The following SLC4A4 variants were observed in gnomAD, a reference collection of about 807,000 sequenced individuals.
SLC4A4 encodes electrogenic sodium bicarbonate cotransporter 1.
Under a neutral mutation model 111.5 loss-of-function variants are expected in SLC4A4, and 27 were observed. The observed-to-expected ratio is 0.24, with a 90% CI of 0.18 to 0.33. The LOEUF is 0.33. Ranked by LOEUF, SLC4A4 falls within the 10% of genes least tolerant of loss-of-function variation. The pLI is 1.00. For missense variants in SLC4A4, 909 were observed against 1,315.5 expected, an observed-to-expected ratio of 0.69 and a Z score of 4.78; for synonymous variants, 443 against 463.4, an observed-to-expected ratio of 0.96 and a Z score of 0.57.
chr4:71,449,454 G>C lies in SLC4A4; in HGVS notation c.1054-935G>C, dbSNP rs546785678. On this transcript the variant is annotated intron_variant, in intron 9 of 25. Coordinates refer to ENST00000264485, the MANE Select transcript of SLC4A4 (RefSeq NM_001098484.3). Reference sequence around the variant, plus strand: ...GCAAGAGAAAGAAAATAAGGTTGAGGATGGCTATATCAGCCACAGATTATG... The same window carrying C: ...GCAAGAGAAAGAAAATAAGGTTGAGCATGGCTATATCAGCCACAGATTATG... Among the ~76,000 whole-genome samples the C allele has an allele frequency of 4.6e-5, 7 of 152,242 alleles. No homozygotes were observed. In the East Asian group the frequency reaches 1.4e-3, roughly 29 times the overall value.
chr4:71,146,522 T>TAGA lies in SLC4A4; in HGVS notation c.-2+53730_-2+53731insAGA, dbSNP rs1744176245. The stretch of plus-strand genomic sequence containing the variant: ...TATCCTTGTTAACTTTCTGTCTCGT[T>TAGA]CACCTGTCTAATGTGGACAGTGGGG... On this transcript the variant is annotated intron_variant, in intron 2 of 26. Transcript: ENST00000649996. 2.6e-5 allele frequency among the ~76,000 whole-genome samples: 4 copies of TAGA among 152,198 alleles called. No individual in the cohort carries two copies. The South Asian group carries it at 8.3e-4, about 32-fold the overall frequency.
Position 71,451,271 on chromosome 4 carries a change from G to C in SLC4A4, c.1292G>C (p.Gly431Ala). The C allele has an allele frequency of 6.2e-7, 1 of 1,612,910 alleles. No individual in the cohort carries two copies. Among genetic ancestry groups the C allele is most frequent in the Non-Finnish European group, 8.5e-7 (1 of 1,178,932 alleles). Residue 431 changes from glycine (G) to alanine (A), a missense_variant, in exon 11 of 26, where the codon GGG becomes GCG. Physicochemically the swap from Gly to Ala is moderately conservative, Grantham distance 60. Transcript: ENST00000264485. The part of the protein sequence containing the change: ...HDGGHGGGGH[G>A]DCEELQRTGR... ...GGAGGTCACGGAGGAGGAGGACATGGGGATTGTGAAGAATTGCAGCGAACT... is the reference window on the plus strand; with the variant it reads ...GGAGGTCACGGAGGAGGAGGACATGCGGATTGTGAAGAATTGCAGCGAACT...
intron 3 of SLC4A4, among the ~76,000 whole-genome samples, chr4:71,333,093 T>A (rs539264713): frequency 2.7e-4 from 41 of 152,366 alleles, no homozygotes; most frequent in African/African-American, 9.1e-4. Flanking sequence ...TGTCAATGTC[T>A]GAGCATTGAA....
At chr4:71,484,253 C>G (rs1407954947) in intron 14 of SLC4A4, among the ~76,000 whole-genome samples, 2 of 151,816 alleles carry the variant, frequency 1.3e-5, no homozygotes, top group East Asian at 3.9e-4. Context: ...TTTCCCATGG[C>G]TGTGTCCTGA....
At chr4:71,158,921 C>A (rs1744547313) in intron 2 of SLC4A4, among the ~76,000 whole-genome samples, 1 of 152,126 alleles carries the variant, frequency 6.6e-6, no homozygotes, top group Non-Finnish European at 1.5e-5. Flanking sequence ...TTTATTTTCA[C>A]CTGGGACACT....
chr4:71,521,904 C>T (rs77926467), intron 16 of SLC4A4, among the ~76,000 whole-genome samples: 1,827 of 152,284 alleles, frequency 0.012, 43 homozygotes, highest in African/African-American at 0.039. Context: ...ACTTACACTT[C>T]GATTCCACTC....
chr4:71,263,686 C>T (rs1722031224), intron 3 of SLC4A4, among the ~76,000 whole-genome samples: 1 of 152,034 alleles, frequency 6.6e-6, no homozygotes, highest in African/African-American at 2.4e-5. Context: ...AGAGAGAATA[C>T]CAGGAAAAGT....
At chr4:71,168,492 T>C (rs1324529525) in intron 2 of SLC4A4, among the ~76,000 whole-genome samples, 1 of 152,164 alleles carries the variant, frequency 6.6e-6, no homozygotes, top group Non-Finnish European at 1.5e-5. Context: ...CTCTTTTAAA[T>C]GTACAATTAA....
At chr4:71,241,914 C>G (rs1720266905) in intron 2 of SLC4A4, among the ~76,000 whole-genome samples, 1 of 152,210 alleles carries the variant, frequency 6.6e-6, no homozygotes, top group Non-Finnish European at 1.5e-5. Context: ...ATGGCCTCAG[C>G]TGAACGCTGG....
intron 6 of SLC4A4, among the ~76,000 whole-genome samples, chr4:71,378,333 G>A (rs1479557321): frequency 1.3e-5 from 2 of 152,186 alleles, no homozygotes; most frequent in Non-Finnish European, 2.9e-5. Flanking sequence ...AAGGCTGAGA[G>A]CAATGTGAAG....
intron 16 of SLC4A4, among the ~76,000 whole-genome samples, chr4:71,500,343 T>C (rs1168863891): frequency 2.0e-5 from 3 of 152,250 alleles, no homozygotes; most frequent in Non-Finnish European, 4.4e-5. Context: ...AATAACCTTA[T>C]GTTGAAGTGT....
At chr4:71,291,739 AGTT>A (rs969779413) in intron 3 of SLC4A4, among the ~76,000 whole-genome samples, 8 of 152,200 alleles carry the variant, frequency 5.3e-5, no homozygotes, top group African/African-American at 1.9e-4. Context: ...GCAATTCTCA[AGTT>A]GTTATTACTA....
intron 2 of SLC4A4, among the ~76,000 whole-genome samples, chr4:71,100,005 G>A (rs748995552): frequency 2.6e-5 from 4 of 152,062 alleles, no homozygotes; most frequent in African/African-American, 4.8e-5. Context: ...GAGATTCACA[G>A]CTGAATTCTA....
chr4:71,481,251 T>C (rs1421629854), intron 14 of SLC4A4, among the ~76,000 whole-genome samples: 1 of 151,762 alleles, frequency 6.6e-6, no homozygotes. Context: ...TATTAGGTGA[T>C]ACATAAAAGC....
rs971959694 is a variant in SLC4A4, at chr4:71,137,283, C to T, written c.-2+44491C>T. Among the ~76,000 whole-genome samples the T allele has an allele frequency of 3.3e-5, 5 of 152,120 alleles. No homozygotes were observed. In the East Asian group the frequency reaches 7.7e-4, roughly 23 times the overall value. ...GATAACTGGATCCCTGTCATATTTCCTTTTGTCCCCACACCAAAGTTCCTC... is the reference window on the plus strand; with the variant it reads ...GATAACTGGATCCCTGTCATATTTCTTTTTGTCCCCACACCAAAGTTCCTC... On this transcript the variant is annotated intron_variant, in intron 2 of 26. Transcript: ENST00000649996.
chr4:71,108,020 A>G (rs1050909706), intron 2 of SLC4A4, among the ~76,000 whole-genome samples: 2 of 152,128 alleles, frequency 1.3e-5, no homozygotes, highest in African/African-American at 4.8e-5. Context: ...TTAAATTTAT[A>G]CCATATTAAC....
At chr4:71,088,461 T>G (rs555155764) in intron 1 of SLC4A4, among the ~76,000 whole-genome samples, 20 of 152,188 alleles carry the variant, frequency 1.3e-4, no homozygotes, top group African/African-American at 4.1e-4. Flanking sequence ...TGTTAGCTGG[T>G]TATTTTGCTC....
chr4:71,494,945 A>G (rs1730267020), intron 15 of SLC4A4, among the ~76,000 whole-genome samples: 1 of 152,096 alleles, frequency 6.6e-6, no homozygotes, highest in Non-Finnish European at 1.5e-5. Flanking sequence ...GTGATATCTA[A>G]ATAGAATTGT....
intron 6 of SLC4A4, among the ~76,000 whole-genome samples, chr4:71,368,646 C>T (rs887027792): frequency 2.0e-5 from 3 of 152,158 alleles, no homozygotes; most frequent in Admixed American, 6.5e-5. Flanking sequence ...TGTGTAACTT[C>T]GCTCTGTGTG....
Sources: allele counts gnomAD v4.1 joint callset (sites outside exome capture counted in the v4.1 genomes callset), GRCh38; gene constraint gnomAD v4.1.1; transcripts MANE v1.5; gene names NCBI Gene and HGNC (gene_info 2026-07-23, HGNC 2026-07-21).